Variants in RCAN2 observed in about 807,000 individuals in gnomAD.
RCAN2 encodes calcipressin-2.
Under a neutral mutation model 23.6 loss-of-function variants are expected in RCAN2, and 9 were observed. The ratio of observed to expected loss-of-function variants is 0.38; its 90% CI spans 0.23 to 0.67. RCAN2 has a LOEUF of 0.67. Ranked by LOEUF, RCAN2 falls within the 30% of genes least tolerant of loss-of-function variation. RCAN2 has a pLI of 0.51. For synonymous variants in RCAN2, 109 were observed against 115.7 expected (o/e 0.94, Z 0.37); for missense variants, 273 against 302.3 (o/e 0.90, Z 0.72).
intron 2 of RCAN2, among the ~76,000 whole-genome samples, chr6:46,300,069 G>A (rs1308788154): frequency 1.3e-5 from 2 of 151,256 alleles, no homozygotes; most frequent in Non-Finnish European, 3.0e-5. Context: ...TTTAAAAGAA[G>A]CCAAATGTAA....
rs765214848 is a variant in RCAN2 at position 46,223,219 on chromosome 6, T to A, written c.654A>T (p.Glu218Asp). 6 of 1,614,032 alleles carry A rather than the reference T, an allele frequency of 3.7e-6. No homozygotes were observed. In the South Asian group the frequency reaches 6.6e-5, roughly 18 times the overall value. Residue 218 changes from glutamate to aspartate, a missense_variant, in exon 5 of 5, where the codon GAA (glutamate) becomes GAT (aspartate). Physicochemically the swap from Glu to Asp is conservative, Grantham distance 45 (BLOSUM62 2). Coordinates refer to ENST00000371374, the MANE Select transcript of RCAN2 (RefSeq NM_001251974.2). ...VHVCDSDIEE[E>D]EDPKTSPKPK... The stretch of plus-strand genomic sequence containing the variant: ...GCTTTGGGGAAGTCTTTGGGTCCTC[T>A]TCTTCCTCTATGTCACTGTCGCACA...
At chr6:46,262,303 A>G (rs1196282848) in intron 2 of RCAN2, among the ~76,000 whole-genome samples, 1 of 152,038 alleles carries the variant, frequency 6.6e-6, no homozygotes, top group Non-Finnish European at 1.5e-5. Flanking sequence ...AACAAGCACT[A>G]TGTTCTCTGG....
At chr6:46,289,828 C>T (rs1011666761) in intron 2 of RCAN2, among the ~76,000 whole-genome samples, 1 of 152,174 alleles carries the variant, frequency 6.6e-6, no homozygotes, top group East Asian at 1.9e-4. Flanking sequence ...CACAGCTGCT[C>T]ATCTAGAGAC....
chr6:46,480,557 T>A (rs1307028337), intron 1 of RCAN2, among the ~76,000 whole-genome samples: 2 of 152,132 alleles, frequency 1.3e-5, no homozygotes, highest in African/African-American at 4.8e-5. Context: ...TGGTACTAGG[T>A]CACATTCTGG....
chr6:46,237,144 C>T (rs983306328), intron 4 of RCAN2, among the ~76,000 whole-genome samples: 6 of 152,200 alleles, frequency 3.9e-5, no homozygotes, highest in Admixed American at 2.0e-4. Flanking sequence ...TTGTCTTTCA[C>T]TTTTAATACA....
At chr6:46,228,582 G>T (rs1208206658) in intron 4 of RCAN2, among the ~76,000 whole-genome samples, 5 of 152,112 alleles carry the variant, frequency 3.3e-5, no homozygotes, top group Non-Finnish European at 7.4e-5. Flanking sequence ...TTTTATCAGA[G>T]ACTAGGATTG....
chr6:46,344,561 T>C (rs1166448421), intron 2 of RCAN2, among the ~76,000 whole-genome samples: 1 of 151,980 alleles, frequency 6.6e-6, no homozygotes, highest in African/African-American at 2.4e-5. Context: ...AACACAAATA[T>C]TGAGGGGAGG....
intron 2 of RCAN2, among the ~76,000 whole-genome samples, chr6:46,406,051 T>A (rs1159927787): frequency 6.6e-6 from 1 of 152,218 alleles, no homozygotes; most frequent in Non-Finnish European, 1.5e-5. Context: ...GCCGGCCGGC[T>A]GCTCCGAATG....
chr6:46,429,119 G>T (rs1297286010), intron 2 of RCAN2, among the ~76,000 whole-genome samples: 1 of 152,164 alleles, frequency 6.6e-6, no homozygotes, highest in Non-Finnish European at 1.5e-5. Context: ...AGGGGCAAAA[G>T]GGGTGATCCA....
At chr6:46,383,047 G>A (rs1417631000) in intron 2 of RCAN2, among the ~76,000 whole-genome samples, 1 of 152,162 alleles carries the variant, frequency 6.6e-6, no homozygotes, top group African/African-American at 2.4e-5. Context: ...CGTCTAGTAG[G>A]AGAGACAAAT....
intron 2 of RCAN2, among the ~76,000 whole-genome samples, chr6:46,267,293 G>A (rs182629623): frequency 1.8e-4 from 28 of 152,136 alleles, no homozygotes; most frequent in Middle Eastern, 3.4e-3. Flanking sequence ...TAAACATAAG[G>A]ACAAAGTGAC....
intron 2 of RCAN2, among the ~76,000 whole-genome samples, chr6:46,379,385 A>G (rs945982112): frequency 6.6e-6 from 1 of 152,198 alleles, no homozygotes. Context: ...GCTAAGGAAC[A>G]CAGCCACATC....
At chr6:46,430,727 C>A (rs1474292497) in intron 2 of RCAN2, among the ~76,000 whole-genome samples, 1 of 152,054 alleles carries the variant, frequency 6.6e-6, no homozygotes, top group East Asian at 1.9e-4. Context: ...AAGTTATGTA[C>A]AATAGCAAAT....
intron 2 of RCAN2, among the ~76,000 whole-genome samples, chr6:46,253,725 T>C (rs1766810632): frequency 6.6e-6 from 1 of 152,220 alleles, no homozygotes; most frequent in Non-Finnish European, 1.5e-5. Context: ...AGTCATGCAC[T>C]GCATAATGAA....
At chr6:46,403,907 T>G (rs758811915) in intron 2 of RCAN2, among the ~76,000 whole-genome samples, 2 of 151,228 alleles carry the variant, frequency 1.3e-5, no homozygotes, top group Non-Finnish European at 3.0e-5. Context: ...TCATAAGAGG[T>G]GGGGTGGAAA....
intron 1 of RCAN2, among the ~76,000 whole-genome samples, chr6:46,465,728 G>A (rs946455174): frequency 1.3e-5 from 2 of 152,198 alleles, no homozygotes; most frequent in Admixed American, 1.3e-4. Context: ...AGGGCCAGGG[G>A]GCCATGGAGG....
intron 2 of RCAN2, among the ~76,000 whole-genome samples, chr6:46,331,515 G>T (rs1763973089): frequency 1.3e-5 from 2 of 152,108 alleles, no homozygotes; most frequent in African/African-American, 4.8e-5. Flanking sequence ...GTTTAATCAG[G>T]TTGGTTCCTG....
chr6:46,444,596 G>C (rs949001056), intron 2 of RCAN2, among the ~76,000 whole-genome samples: 3 of 151,906 alleles, frequency 2.0e-5, no homozygotes, highest in African/African-American at 7.3e-5. Flanking sequence ...TGGCAACCCT[G>C]GCATCAGTTA....
chr6:46,270,512 C>T (rs1767488523), intron 2 of RCAN2, among the ~76,000 whole-genome samples: 1 of 152,174 alleles, frequency 6.6e-6, no homozygotes, highest in Non-Finnish European at 1.5e-5. Flanking sequence ...TGTATTTACT[C>T]GTTGTGTGTG....
Sources: gnomAD v4.1 joint callset for allele counts (sites outside exome capture counted in the v4.1 genomes callset) on GRCh38, gnomAD v4.1.1 for gene constraint, MANE v1.5 for transcripts, NCBI Gene and HGNC (gene_info 2026-07-23, HGNC 2026-07-21) for gene names.